CDH4: variants seen among roughly 807,000 people sequenced by gnomAD.
The protein encoded by CDH4 is cadherin-4.
A neutral mutation model predicts 86.0 loss-of-function variants in CDH4; 33 were observed. The ratio of observed to expected loss-of-function variants is 0.38; its 90% CI spans 0.29 to 0.51. The LOEUF is 0.51. Ranked by LOEUF, CDH4 falls within the 20% of genes least tolerant of loss-of-function variation. CDH4 has a pLI of 0.86. For missense variants in CDH4, 1,114 were observed against 1,307.4 expected, an observed-to-expected ratio of 0.85 and a Z score of 2.28; for synonymous variants, 555 against 549.4, an observed-to-expected ratio of 1.01 and a Z score of -0.14.
At chr20:61,683,465 C>T (rs1272776675) in intron 2 of CDH4, among the ~76,000 whole-genome samples, 5 of 152,152 alleles carry the variant, frequency 3.3e-5, no homozygotes, top group Non-Finnish European at 5.9e-5. Flanking sequence ...AACCGCGAGT[C>T]GTGGAGGCCC....
intron 2 of CDH4, among the ~76,000 whole-genome samples, chr20:61,260,960 A>G (rs914344623): frequency 6.6e-6 from 1 of 152,204 alleles, no homozygotes. Context: ...CTGCAGGCCA[A>G]ATCCCACTCT....
intron 2 of CDH4, among the ~76,000 whole-genome samples, chr20:61,383,261 TG>T (rs1280928047): frequency 8.8e-6 from 1 of 113,544 alleles, no homozygotes; most frequent in African/African-American, 3.6e-5. Context: ...TATGAATATA[TG>T]TGATATATAT....
At chr20:61,431,150 C>T (rs996762981) in intron 2 of CDH4, among the ~76,000 whole-genome samples, 2 of 152,154 alleles carry the variant, frequency 1.3e-5, no homozygotes, top group African/African-American at 2.4e-5. Flanking sequence ...AGGGGAAGCA[C>T]GTGGGTAGAG....
intron 2 of CDH4, among the ~76,000 whole-genome samples, chr20:61,368,424 G>A (rs979619983): frequency 6.6e-6 from 1 of 152,214 alleles, no homozygotes; most frequent in Non-Finnish European, 1.5e-5. Flanking sequence ...GGCACCGTCT[G>A]TGAACCAGGA....
intron 2 of CDH4, among the ~76,000 whole-genome samples, chr20:61,666,571 AG>A (rs755154991): frequency 2.6e-5 from 4 of 152,216 alleles, no homozygotes; most frequent in Non-Finnish European, 4.4e-5. Flanking sequence ...GTCCACATGG[AG>A]GACGGAGCTG....
At chr20:61,882,817 C>T (rs1341896428) in intron 7 of CDH4, among the ~76,000 whole-genome samples, 2 of 151,704 alleles carry the variant, frequency 1.3e-5, no homozygotes, top group African/African-American at 2.4e-5. Context: ...GCATGGGCCG[C>T]CCCAGCCCCC....
intron 4 of CDH4, among the ~76,000 whole-genome samples, chr20:61,817,250 AG>A (rs1442139260): frequency 1.3e-5 from 2 of 152,198 alleles, no homozygotes; most frequent in Admixed American, 6.5e-5. Context: ...ACCCCAAGGC[AG>A]GGGCCCCCGA....
intron 2 of CDH4, among the ~76,000 whole-genome samples, chr20:61,446,696 C>T (rs573276366): frequency 2.6e-5 from 4 of 152,278 alleles, no homozygotes; most frequent in South Asian, 2.1e-4. Flanking sequence ...TTAAGGTTTC[C>T]GCATGTGTTG....
At position 61,392,730 on chromosome 20, in the gene CDH4, G is replaced by A. The variant is rs909498123; in HGVS notation, c.169+137793G>A. Among the ~76,000 whole-genome samples the A allele has an allele frequency of 1.5e-4, 23 of 152,062 alleles. No individual in the cohort carries two copies. The highest frequency in any genetic ancestry group is 3.3e-4 in the Admixed American group (5 of 15,266). The stretch of plus-strand genomic sequence containing the variant: ...TCCCGTGCTGTTAAATTTGAACCTT[G>A]GACTGTTTCTCACAGTATTCATCAG... On this transcript the variant is annotated intron_variant, in intron 2 of 15. Transcript: ENST00000614565. The surrounding 1 kb of genome is among the most constrained non-coding windows in gnomAD (Gnocchi z 5.7).
chr20:61,889,663 TCA>T (rs1984715705), intron 7 of CDH4, among the ~76,000 whole-genome samples: 1 of 146,476 alleles, frequency 6.8e-6, no homozygotes. Flanking sequence ...GGTGGATGGA[TCA>T]ATGATGGATG....
At chr20:61,611,505 TG>T in intron 2 of CDH4, among the ~76,000 whole-genome samples, 1 of 151,966 alleles carries the variant, frequency 6.6e-6, no homozygotes, top group East Asian at 1.9e-4. Context: ...CTGCGGGATG[TG>T]GGCAAGGCTC....
At chr20:61,574,204 A>T (rs1015814068) in intron 2 of CDH4, among the ~76,000 whole-genome samples, 1 of 152,202 alleles carries the variant, frequency 6.6e-6, no homozygotes, top group African/African-American at 2.4e-5. Context: ...ACACATATAG[A>T]TTCAAAAGAG....
chr20:61,542,291 A>C (rs538884196), intron 2 of CDH4, among the ~76,000 whole-genome samples: 3 of 152,242 alleles, frequency 2.0e-5, no homozygotes, highest in Non-Finnish European at 4.4e-5. Flanking sequence ...CAGGTTTCTA[A>C]AGTGGATTCC....
rs529167941 is a variant in CDH4, at chr20:61,569,166, C to G, written c.170-174397C>G. 7.9e-5 allele frequency among the ~76,000 whole-genome samples: 12 copies of G among 152,306 alleles called. No homozygotes were observed. In the East Asian group the frequency reaches 1.9e-3, roughly 25 times the overall value. On this transcript the variant is annotated intron_variant, in intron 2 of 15. Transcript: ENST00000614565. ...CTTCCCCGAACCTTGGTTTTCTCAT[C>G]TGAAAAATGGGCCTCATATTGCTCG...
intron 4 of CDH4, among the ~76,000 whole-genome samples, chr20:61,844,294 C>T (rs538533762): frequency 6.6e-6 from 1 of 152,312 alleles, no homozygotes; most frequent in African/African-American, 2.4e-5. Flanking sequence ...AGTCTTTTCT[C>T]TCACTGTGGA....
At chr20:61,598,757 T>C (rs1247182839) in intron 2 of CDH4, among the ~76,000 whole-genome samples, 19 of 152,202 alleles carry the variant, frequency 1.2e-4, no homozygotes, top group Admixed American at 1.1e-3. Flanking sequence ...CCAGGCTTGC[T>C]GACGCACCCG....
intron 2 of CDH4, among the ~76,000 whole-genome samples, chr20:61,723,264 C>T (rs577764121): frequency 6.6e-6 from 1 of 152,292 alleles, no homozygotes; most frequent in African/African-American, 2.4e-5. Flanking sequence ...GCTCCCCTGC[C>T]CAAGGGCAGC....
intron 2 of CDH4, among the ~76,000 whole-genome samples, chr20:61,256,179 C>G (rs1335151170): frequency 6.6e-6 from 1 of 152,042 alleles, no homozygotes; most frequent in East Asian, 1.9e-4. Context: ...CAGTGGACTC[C>G]CAGAGAAGGC....
At chr20:61,820,070 T>C (rs1291504212) in intron 4 of CDH4, among the ~76,000 whole-genome samples, 2 of 152,208 alleles carry the variant, frequency 1.3e-5, no homozygotes, top group African/African-American at 4.8e-5. Context: ...AGCTGCACCT[T>C]GCTTCAGACT....
Sources: allele counts gnomAD v4.1 joint callset (sites outside exome capture counted in the v4.1 genomes callset), GRCh38; gene constraint gnomAD v4.1.1; non-coding constraint Gnocchi (gnomAD v3.1); transcripts MANE v1.5; gene names NCBI Gene and HGNC (gene_info 2026-07-23, HGNC 2026-07-21).